Variants in ACVR1 observed in about 807,000 individuals in gnomAD.
The protein encoded by ACVR1 is activin A receptor type 1, also known as activin receptor type-1.
A neutral mutation model predicts 57.1 loss-of-function variants in ACVR1; 38 were observed. The ratio of observed to expected loss-of-function variants is 0.67; its 90% CI spans 0.51 to 0.87. ACVR1 has a LOEUF of 0.87. Ranked by LOEUF, ACVR1 falls within the 40% of genes least tolerant of loss-of-function variation. ACVR1 has a pLI of 0.00. For synonymous variants in ACVR1, 212 were observed against 228.1 expected (o/e 0.93, Z 0.63); for missense variants, 463 against 638.2 (o/e 0.73, Z 2.96).
At chr2:157,857,098 T>G (rs962561013) in intron 1 of ACVR1, among the ~76,000 whole-genome samples, 1 of 152,034 alleles carries the variant, frequency 6.6e-6, no homozygotes, top group Non-Finnish European at 1.5e-5. Flanking sequence ...TTCAGGAGGC[T>G]GAAGTGGGAG....
chr2:157,853,368 T>C (rs1023478875), intron 1 of ACVR1, among the ~76,000 whole-genome samples: 4 of 152,270 alleles, frequency 2.6e-5, no homozygotes, highest in South Asian at 2.1e-4. Context: ...TGGAAAGAGA[T>C]AGCAAGTTCT....
At position 157,799,425 on chromosome 2, in the gene ACVR1, A is replaced by T; in HGVS notation, c.67+2T>A. On this transcript the variant is annotated splice_donor_variant, in intron 3 of 10. Transcript: ENST00000434821. LOFTEE classifies it high-confidence loss of function. The stretch of plus-strand genomic sequence containing the variant: ...TAACCCAAAAAGATGTGAGTCACTT[A>T]CCTTCCATACTAGGGGAGGGGAGAG... 6.2e-7 allele frequency: 1 copy of T among 1,610,226 alleles called. No individual in the cohort carries two copies. Among genetic ancestry groups the T allele is most frequent in the Non-Finnish European group, 8.5e-7 (1 of 1,176,894 alleles).
At chr2:157,872,797 G>T (rs1690154886) in intron 1 of ACVR1, among the ~76,000 whole-genome samples, 1 of 152,074 alleles carries the variant, frequency 6.6e-6, no homozygotes, top group Admixed American at 6.5e-5. Flanking sequence ...AATGTATTGT[G>T]TATGTAGGTT....
chr2:157,779,622 G>T (rs760849485), intron 4 of ACVR1, among the ~76,000 whole-genome samples: 4 of 152,152 alleles, frequency 2.6e-5, no homozygotes, highest in African/African-American at 4.8e-5. Context: ...TATTAAAAAT[G>T]TACTATATGG....
intron 6 of ACVR1, among the ~76,000 whole-genome samples, chr2:157,773,840 G>A (rs756519512): frequency 2.0e-5 from 3 of 152,140 alleles, no homozygotes; most frequent in Non-Finnish European, 4.4e-5. Flanking sequence ...TCATCCCAAA[G>A]GGTCCACTTA....
chr2:157,797,378 C>G (rs913535183), intron 3 of ACVR1, among the ~76,000 whole-genome samples: 1 of 152,096 alleles, frequency 6.6e-6, no homozygotes, highest in Non-Finnish European at 1.5e-5. Flanking sequence ...AGACCATACC[C>G]CAAAGAACCT....
intron 9 of ACVR1, among the ~76,000 whole-genome samples, chr2:157,755,523 A>AATACC (rs71402402): frequency 0.068 from 10,242 of 149,832 alleles, 433 homozygotes; most frequent in African/African-American, 0.093. Flanking sequence ...AGCTGCAAAT[A>AATACC]ATACCATACC....
At position 157,767,652 on chromosome 2, in the gene ACVR1, G is replaced by C. The variant is rs1264561745; in HGVS notation, c.791-1456C>G. On this transcript the variant is annotated intron_variant, in intron 7 of 10. Transcript: ENST00000434821. ...GCATAGTACTTTATATAAAATTTAT[G>C]TCACTTTCACATATATTTTCTCATG... 1.3e-5 allele frequency among the ~76,000 whole-genome samples: 2 copies of C among 152,078 alleles called. 1 individual carries two copies. The highest frequency in any genetic ancestry group is 4.1e-4 in the South Asian group (2 of 4,834).
intron 2 of ACVR1, among the ~76,000 whole-genome samples, chr2:157,810,706 T>C (rs1687721381): frequency 6.6e-6 from 1 of 152,114 alleles, no homozygotes; most frequent in Non-Finnish European, 1.5e-5. Context: ...CAATCTCTCT[T>C]ACATCATCAT....
intron 5 of ACVR1, among the ~76,000 whole-genome samples, chr2:157,776,231 C>A (rs2070220289): frequency 6.6e-6 from 1 of 152,174 alleles, no homozygotes; most frequent in Non-Finnish European, 1.5e-5. Context: ...TGCTCCATTC[C>A]TCTCTCAAAA....
chr2:157,767,180 C>A (rs2105262169), intron 7 of ACVR1, among the ~76,000 whole-genome samples: 1 of 152,118 alleles, frequency 6.6e-6, no homozygotes, highest in South Asian at 2.1e-4. Flanking sequence ...TACAGGGGCC[C>A]ACCATCACGC....
rs555078253 is a variant in ACVR1, at chr2:157,867,318, C to A, written c.-183+8478G>T. Among the ~76,000 whole-genome samples the A allele has an allele frequency of 2.6e-5, 4 of 152,350 alleles. No homozygotes were observed. In the South Asian group the frequency reaches 8.3e-4, roughly 32 times the overall value. On this transcript the variant is annotated intron_variant, in intron 1 of 10. Coordinates refer to ENST00000434821, the MANE Select transcript of ACVR1 (RefSeq NM_001111067.4). Reference sequence around the variant, plus strand: ...TTCCTCCTGGCTTCTGGGCATCCCACTCCACTAGACCAATCATCCTTGGCT... The same window carrying A: ...TTCCTCCTGGCTTCTGGGCATCCCAATCCACTAGACCAATCATCCTTGGCT...
In ACVR1 at chr2:157,765,954, T is replaced by G; in HGVS notation, c.1033A>C (p.Lys345Gln). 1 of 1,614,168 alleles carries G rather than the reference T, an allele frequency of 6.2e-7. No individual in the cohort carries two copies. Among genetic ancestry groups the G allele is most frequent in the Non-Finnish European group, 8.5e-7 (1 of 1,180,022 alleles). Residue 345 changes from lysine (K) to glutamine (Q), a missense_variant, in exon 8 of 11, where the codon AAG (lysine) becomes CAG (glutamine). Lys to Gln is a moderately conservative substitution (Grantham distance 53). Coordinates refer to ENST00000434821, the MANE Select transcript of ACVR1 (RefSeq NM_001111067.4). ...GCTATGCAACACTGTCCATTCTTCT[T>G]AACCAGAATATTTTTGCTCTTTAAA... ...RDLKSKNILV[K>Q]KNGQCCIADL...
intron 1 of ACVR1, among the ~76,000 whole-genome samples, chr2:157,863,984 C>T (rs897454466): frequency 1.1e-4 from 17 of 150,890 alleles, no homozygotes; most frequent in African/African-American, 2.7e-4. Flanking sequence ...CTCAGCCTCC[C>T]GAGTAGCTGG....
intron 8 of ACVR1, 25 bp downstream of exon 8, chr2:157,765,896 G>GA (rs774491115): frequency 6.2e-7 from 1 of 1,612,784 alleles, no homozygotes; most frequent in Non-Finnish European, 8.5e-7. Context: ...AACTGGTGAG[G>GA]AAAAAAATAT....
At chr2:157,778,458 A>G in intron 4 of ACVR1, 116 bp from the exon 5 acceptor site, 2 of 860,494 alleles carry the variant, frequency 2.3e-6, no homozygotes, top group Admixed American at 4.2e-5. Context: ...CTCACAACTC[A>G]CGAAGTATTA....
intron 6 of ACVR1, among the ~76,000 whole-genome samples, chr2:157,772,438 T>G (rs1021145526): frequency 6.6e-6 from 1 of 152,204 alleles, no homozygotes; most frequent in Non-Finnish European, 1.5e-5. Context: ...TACAAGCTAA[T>G]GAAAGGCACT....
In ACVR1 at chr2:157,770,422, A is replaced by G. The variant is rs754465233; in HGVS notation, c.736T>C (p.Phe246Leu). Residue 246 changes from phenylalanine (F) to leucine (L), a missense_variant, in exon 7 of 11, where the codon TTC becomes CTC. Around this residue, in one of 3 missense-constraint regions of ACVR1, gnomAD observed 114 missense variants for 216.2 expected, o/e 0.53. Transcript: ENST00000434821. ...IFSSRDEKSWFRETELYNTVM... is the reference protein window; with the variant it reads ...IFSSRDEKSWLRETELYNTVM... The stretch of plus-strand genomic sequence containing the variant: ...GTGTTGTACAATTCCGTTTCCCTGA[A>G]CCATGACTTCTCATCACGGGAGGAG... 1 of 1,614,092 alleles carries G rather than the reference A, an allele frequency of 6.2e-7. No homozygotes were observed. The highest frequency in any genetic ancestry group is 8.5e-7 in the Non-Finnish European group (1 of 1,179,972).
chr2:157,767,411 A>G (rs986066728), intron 7 of ACVR1, among the ~76,000 whole-genome samples: 6 of 152,106 alleles, frequency 3.9e-5, no homozygotes, highest in African/African-American at 1.2e-4. Flanking sequence ...GGCACTTCCT[A>G]TCTTATGAAA....
Sources: gnomAD v4.1 joint callset for allele counts (sites outside exome capture counted in the v4.1 genomes callset) on GRCh38, gnomAD v4.1.1 for gene constraint, gnomAD v4.1.1 regional missense constraint, MANE v1.5 for transcripts, NCBI Gene and HGNC (gene_info 2026-07-23, HGNC 2026-07-21) for gene names.